IKZF2: variants seen among roughly 807,000 people sequenced by gnomAD.
IKZF2 encodes the protein IKAROS family zinc finger 2.
Under a neutral mutation model 49.2 loss-of-function variants are expected in IKZF2, and 15 were observed. The ratio of observed to expected loss-of-function variants is 0.30; its 90% CI spans 0.20 to 0.47. The LOEUF (loss-of-function observed/expected upper bound fraction) is 0.47. Among genes scored for constraint, IKZF2 ranks in the 20% least tolerant of loss-of-function variants. IKZF2 has a pLI of 1.00. For missense variants in IKZF2, 567 were observed against 664.6 expected, an observed-to-expected ratio of 0.85 and a Z score of 1.61; for synonymous variants, 227 against 221.4, an observed-to-expected ratio of 1.03 and a Z score of -0.23.
intron 4 of IKZF2, among the ~76,000 whole-genome samples, chr2:213,083,694 G>A (rs149250657): frequency 1.2e-3 from 179 of 151,062 alleles, no homozygotes; most frequent in African/African-American, 4.0e-3. Context: ...GAAGCACTGC[G>A]CCCAGCCTCA....
intron 4 of IKZF2, chr2:213,098,044 T>C: frequency 4.3e-6 from 1 of 232,926 alleles, no homozygotes; most frequent in Non-Finnish European, 9.1e-6. Context: ...TCACAGAAGT[T>C]AGGTCAGTGA....
At chr2:213,113,681 T>C (rs1405570066) in intron 4 of IKZF2, among the ~76,000 whole-genome samples, 1 of 152,232 alleles carries the variant, frequency 6.6e-6, no homozygotes, top group South Asian at 2.1e-4. Context: ...TTGGTTTTTT[T>C]CCCCTTATCT....
chr2:213,013,698 T>G (rs1696237981), intron 8 of IKZF2, 93 bp downstream of exon 8: 13 of 1,175,134 alleles, frequency 1.1e-5, no homozygotes, highest in Admixed American at 2.3e-5. Flanking sequence ...TTTCATGAAC[T>G]GAAACACACC....
At chr2:213,037,266 A>C (rs912374155) in intron 6 of IKZF2, among the ~76,000 whole-genome samples, 14 of 152,208 alleles carry the variant, frequency 9.2e-5, no homozygotes, top group African/African-American at 3.4e-4. Context: ...TCCTACAATA[A>C]ATTGATCTTC....
rs1160325320 is a variant in IKZF2, at chr2:213,002,303, C to T, written c.*5057G>A. 6.6e-6 allele frequency: 1 copy of T among 151,384 alleles called. No individual in the cohort carries two copies. The highest frequency in any genetic ancestry group is 1.5e-5 in the Non-Finnish European group (1 of 67,510). The allele number at this position is 151,384 out of a possible 1,614,324, so 9.4% of individuals were successfully genotyped here. On this transcript the variant is annotated 3_prime_UTR_variant, in exon 9 of 9. Transcript: ENST00000434687. ...TGTTATGGGAGGAAAGCCCCATAAA[C>T]AGAATTATGAACTTATTCCTAAGAG...
chr2:213,111,965 C>T (rs1380700633), intron 4 of IKZF2, among the ~76,000 whole-genome samples: 1 of 151,988 alleles, frequency 6.6e-6, no homozygotes, highest in Non-Finnish European at 1.5e-5. Flanking sequence ...TAGAAACTGC[C>T]TCTTCTTTTT....
intron 7 of IKZF2, among the ~76,000 whole-genome samples, chr2:213,020,741 C>G (rs915159966): frequency 3.3e-5 from 5 of 152,082 alleles, no homozygotes; most frequent in African/African-American, 9.7e-5. Flanking sequence ...CACATAATCA[C>G]TAGCTGTCCA....
chr2:213,092,108 A>T (rs2371794), intron 4 of IKZF2, among the ~76,000 whole-genome samples: 2 of 152,070 alleles, frequency 1.3e-5, no homozygotes, highest in Non-Finnish European at 2.9e-5. Context: ...TCACTGCAGC[A>T]TCGACTTCCT....
At chr2:213,091,031 C>G (rs1040392153) in intron 4 of IKZF2, among the ~76,000 whole-genome samples, 4 of 152,118 alleles carry the variant, frequency 2.6e-5, no homozygotes, top group Non-Finnish European at 5.9e-5. Flanking sequence ...GATTGGGACA[C>G]TACAGCAAGA....
chr2:213,066,358 A>G (rs1702162314), intron 4 of IKZF2, among the ~76,000 whole-genome samples: 1 of 152,066 alleles, frequency 6.6e-6, no homozygotes, highest in African/African-American at 2.4e-5. Flanking sequence ...AGTGCAACAC[A>G]CTTCAGCAGC....
chr2:213,108,595 G>C (rs2059606969), intron 4 of IKZF2, among the ~76,000 whole-genome samples: 1 of 152,106 alleles, frequency 6.6e-6, no homozygotes, highest in African/African-American at 2.4e-5. Context: ...AACGGTCCAA[G>C]AGTGCTTCCA....
intron 5 of IKZF2, chr2:213,056,443 T>C (rs1701156896): frequency 3.4e-6 from 1 of 297,162 alleles, no homozygotes. Flanking sequence ...CTTACATAAA[T>C]GCATGAGTGC....
chr2:213,100,338 T>A (rs561086866), intron 4 of IKZF2, among the ~76,000 whole-genome samples: 18 of 152,148 alleles, frequency 1.2e-4, no homozygotes, highest in African/African-American at 4.3e-4. Context: ...GCATATTAAG[T>A]AGGACTACTA....
chr2:213,110,237 CA>C (rs1188601883), intron 4 of IKZF2, among the ~76,000 whole-genome samples: 4 of 151,642 alleles, frequency 2.6e-5, no homozygotes, highest in African/African-American at 9.7e-5. Context: ...TTGAATGGTT[CA>C]AAAATCAAAA....
intron 3 of IKZF2, 38 bp from the exon 4 acceptor site, chr2:213,147,850 T>C (rs2061134612): frequency 1.4e-6 from 2 of 1,476,852 alleles, no homozygotes; most frequent in African/African-American, 1.4e-5. Context: ...TTTCTATTCA[T>C]TGTCACATAA....
At chr2:213,128,510 T>C (rs1390438329) in intron 4 of IKZF2, among the ~76,000 whole-genome samples, 1 of 152,154 alleles carries the variant, frequency 6.6e-6, no homozygotes, top group Non-Finnish European at 1.5e-5. Context: ...ACCAGGTCTA[T>C]GTAATATGAA....
intron 8 of IKZF2, among the ~76,000 whole-genome samples, chr2:213,008,628 G>A (rs2125013985): frequency 6.6e-6 from 1 of 152,212 alleles, no homozygotes; most frequent in East Asian, 1.9e-4. Flanking sequence ...CATCTAGTCT[G>A]AAAGATATGA....
intron 4 of IKZF2, 147 bp downstream of exon 4, chr2:213,147,561 G>A: frequency 2.7e-6 from 2 of 747,518 alleles, no homozygotes; most frequent in Non-Finnish European, 4.9e-6. Context: ...AGAATGAACA[G>A]GAATAAATCT....
chr2:213,093,797 G>A lies in IKZF2; in HGVS notation c.140-36698C>T, dbSNP rs146071716. 2.1e-3 allele frequency among the ~76,000 whole-genome samples: 312 copies of A among 152,188 alleles called. 1 individual carries two copies. Among genetic ancestry groups the A allele is most frequent in the African/African-American group, 7.1e-3 (295 of 41,548 alleles). On this transcript the variant is annotated intron_variant, in intron 4 of 8. Transcript: ENST00000434687. Reference sequence around the variant, plus strand: ...TTGGAAGAAATCTTCATTGTACATCGCATGCTTTGCACAAAGGTTTCCTAA... The same window carrying A: ...TTGGAAGAAATCTTCATTGTACATCACATGCTTTGCACAAAGGTTTCCTAA...
Sources: gnomAD v4.1 joint callset for allele counts (sites outside exome capture counted in the v4.1 genomes callset) on GRCh38, gnomAD v4.1.1 for gene constraint, MANE v1.5 for transcripts, NCBI Gene and HGNC (gene_info 2026-07-23, HGNC 2026-07-21) for gene names.